CELF4: variants seen among roughly 807,000 people sequenced by gnomAD.
CELF4 encodes CUG-BP- and ETR-3-like factor 4.
In CELF4, 18 loss-of-function variants were observed where a neutral mutation model predicts 59.9. The ratio of observed to expected loss-of-function variants is 0.30; its 90% confidence interval spans 0.21 to 0.45. The LOEUF (loss-of-function observed/expected upper bound fraction) is 0.45. Ranked by LOEUF, CELF4 falls within the 20% of genes least tolerant of loss-of-function variation. CELF4 has a pLI of 1.00. For synonymous variants in CELF4, 261 were observed against 267.1 expected (o/e 0.98, Z 0.22); for missense variants, 456 against 689.0 (o/e 0.66, Z 3.79).
At chr18:37,278,062 C>T (rs1157963143) in intron 3 of CELF4, among the ~76,000 whole-genome samples, 1 of 152,152 alleles carries the variant, frequency 6.6e-6, no homozygotes, top group Non-Finnish European at 1.5e-5. Flanking sequence ...CCTTTCTATC[C>T]AGCCACTTCC....
At chr18:37,378,164 G>A (rs755603989) in intron 2 of CELF4, among the ~76,000 whole-genome samples, 33 of 152,286 alleles carry the variant, frequency 2.2e-4, no homozygotes, top group Non-Finnish European at 2.9e-4. Context: ...CCCCATGGTG[G>A]ACCCCTCCTC....
At chr18:37,344,962 A>C (rs1209099279) in intron 2 of CELF4, among the ~76,000 whole-genome samples, 2 of 152,144 alleles carry the variant, frequency 1.3e-5, no homozygotes, top group Admixed American at 6.5e-5. Flanking sequence ...TGTAGCCCCC[A>C]GTTCTGCTCC....
chr18:37,290,212 G>A (rs2095240123), intron 3 of CELF4, among the ~76,000 whole-genome samples: 1 of 152,220 alleles, frequency 6.6e-6, no homozygotes, highest in African/African-American at 2.4e-5. Context: ...TCCATGCACA[G>A]CAGCTGGATG....
chr18:37,558,438 G>A (rs1044245236), intron 1 of CELF4, among the ~76,000 whole-genome samples: 2 of 146,814 alleles, frequency 1.4e-5, no homozygotes, highest in South Asian at 2.1e-4. Flanking sequence ...TTATGTTGCC[G>A]AATGGAACAC....
intron 1 of CELF4, among the ~76,000 whole-genome samples, chr18:37,542,699 C>A (rs1047000629): frequency 1.3e-5 from 2 of 152,176 alleles, no homozygotes; most frequent in African/African-American, 4.8e-5. Context: ...TACATGTTAA[C>A]AATTCCTCTC....
At chr18:37,343,343 G>GTA (rs970563928) in intron 2 of CELF4, among the ~76,000 whole-genome samples, 2 of 149,388 alleles carry the variant, frequency 1.3e-5, no homozygotes, top group African/African-American at 2.5e-5. Context: ...GTGTGTGTGT[G>GTA]TGTGTGTGTG....
chr18:37,427,042 G>C (rs895953363), intron 2 of CELF4, among the ~76,000 whole-genome samples: 11 of 151,482 alleles, frequency 7.3e-5, no homozygotes, highest in East Asian at 2.0e-4. Context: ...GGACACGGGG[G>C]GGGGGGAAGC....
At chr18:37,314,633 G>A (rs2096796057) in intron 3 of CELF4, among the ~76,000 whole-genome samples, 1 of 152,148 alleles carries the variant, frequency 6.6e-6, no homozygotes, top group Admixed American at 6.5e-5. Flanking sequence ...CAGGGGTTCT[G>A]CAGATAGCTT....
chr18:37,297,196 G>C (rs2095701587), intron 3 of CELF4, among the ~76,000 whole-genome samples: 1 of 152,190 alleles, frequency 6.6e-6, no homozygotes, highest in South Asian at 2.1e-4. Context: ...GCCCATCACA[G>C]TTATAAGCAG....
At chr18:37,367,996 C>T (rs545181102) in intron 2 of CELF4, among the ~76,000 whole-genome samples, 2 of 151,906 alleles carry the variant, frequency 1.3e-5, no homozygotes, top group South Asian at 4.2e-4. Flanking sequence ...CGGCATGGTG[C>T]GGTGCAGCCC....
At chr18:37,468,617 C>A (rs1003742482) in intron 2 of CELF4, among the ~76,000 whole-genome samples, 1 of 152,300 alleles carries the variant, frequency 6.6e-6, no homozygotes, top group South Asian at 2.1e-4. Flanking sequence ...TCCATTCTCA[C>A]ACTGCTATAA....
chr18:37,447,554 GGCTC>G (rs1217223027), intron 2 of CELF4, among the ~76,000 whole-genome samples: 2 of 152,170 alleles, frequency 1.3e-5, no homozygotes, highest in Non-Finnish European at 2.9e-5. Context: ...TCTCTGTGCA[GGCTC>G]GCTCCCCAGC....
chr18:37,411,643 C>T (rs2099459916), intron 2 of CELF4, among the ~76,000 whole-genome samples: 1 of 152,222 alleles, frequency 6.6e-6, no homozygotes, highest in South Asian at 2.1e-4. Context: ...CTACAGAATC[C>T]ACCAAGTCCA....
intron 1 of CELF4, among the ~76,000 whole-genome samples, chr18:37,542,439 T>G (rs989535869): frequency 6.6e-6 from 1 of 152,164 alleles, no homozygotes; most frequent in African/African-American, 2.4e-5. Flanking sequence ...TCCCTGGATG[T>G]GGGTACTTAA....
chr18:37,531,792 A>G (rs1464235755), intron 1 of CELF4, among the ~76,000 whole-genome samples: 1 of 152,178 alleles, frequency 6.6e-6, no homozygotes, highest in African/African-American at 2.4e-5. Context: ...TGAGGGGACC[A>G]GACCTCTAGC....
intron 2 of CELF4, among the ~76,000 whole-genome samples, chr18:37,461,641 A>G (rs951642880): frequency 1.3e-5 from 2 of 152,208 alleles, no homozygotes; most frequent in Non-Finnish European, 2.9e-5. Context: ...TGCTGGTGAA[A>G]GGAGGCAAGG....
In CELF4 at chr18:37,263,820, TCCTGCCCTGGGAGCTCCA is replaced by T. The variant is rs1272428107; in HGVS notation, c.1249+836_1249+853del. Among the ~76,000 whole-genome samples the T allele has an allele frequency of 2.6e-5, 4 of 152,034 alleles. No homozygotes were observed. In the East Asian group the frequency reaches 5.8e-4, roughly 22 times the overall value. ...ATCTCTTCTCACCCTGCCCACGCAGTCCTGCCCTGGGAGCTCCACCTGCCTCTCCTGGTCACCCAGAGG... is the reference window on the plus strand; with the variant it reads ...ATCTCTTCTCACCCTGCCCACGCAGTCCTGCCTCTCCTGGTCACCCAGAGG... On this transcript the variant is annotated intron_variant, in intron 10 of 12. Transcript: ENST00000420428.
At chr18:37,470,892 G>C (rs1251667423) in intron 2 of CELF4, among the ~76,000 whole-genome samples, 41 of 125,172 alleles carry the variant, frequency 3.3e-4, no homozygotes, top group African/African-American at 1.5e-3. Flanking sequence ...GTGTGTGACA[G>C]AGAGAGAGAG....
intron 6 of CELF4, chr18:37,273,613 A>G: frequency 2.0e-6 from 2 of 989,980 alleles, no homozygotes; most frequent in South Asian, 9.3e-5. Context: ...ATAGAACCCC[A>G]GGCACCCCTA....
Sources: allele counts gnomAD v4.1 joint callset (sites outside exome capture counted in the v4.1 genomes callset), GRCh38; gene constraint gnomAD v4.1.1; transcripts MANE v1.5; gene names NCBI Gene and HGNC (gene_info 2026-07-23, HGNC 2026-07-21).